The following WDFY3 variants were observed in gnomAD, a reference collection of about 807,000 sequenced individuals.
The protein encoded by WDFY3 is WD repeat and FYVE domain-containing protein 3.
WDFY3 carries 66 observed loss-of-function variants against 409.6 expected under a neutral mutation model. The observed-to-expected ratio is 0.16, with a 90% CI of 0.13 to 0.20. The LOEUF is 0.20. Among genes scored for constraint, WDFY3 ranks in the 10% least tolerant of loss-of-function variants. The pLI is 1.00. For missense variants in WDFY3, 3,031 were observed against 4,298.1 expected, an observed-to-expected ratio of 0.71 and a Z score of 8.24; for synonymous variants, 1,521 against 1,537.1, an observed-to-expected ratio of 0.99 and a Z score of 0.25.
At chr4:84,784,909 CACACACACACAT>C (rs1747277866) in intron 24 of WDFY3, among the ~76,000 whole-genome samples, 1 of 146,374 alleles carries the variant, frequency 6.8e-6, no homozygotes, top group Non-Finnish European at 1.5e-5. Flanking sequence ...CACACACACA[CACACACACACAT>C]ACACACCTTG....
chr4:84,929,634 G>A lies in WDFY3; in HGVS notation c.-132+2636C>T, dbSNP rs1770479438. On this transcript the variant is annotated intron_variant, in intron 2 of 67. Coordinates refer to ENST00000295888, the MANE Select transcript of WDFY3 (RefSeq NM_014991.6). ...CTTAGAAATCTGGACACAGGACCGGGCGTGGTGGCTCACGCCTATAATCCC... is the reference window on the plus strand; with the variant it reads ...CTTAGAAATCTGGACACAGGACCGGACGTGGTGGCTCACGCCTATAATCCC... 2.6e-5 allele frequency among the ~76,000 whole-genome samples: 4 copies of A among 152,284 alleles called. No homozygotes were observed. The South Asian group carries it at 6.2e-4, about 24-fold the overall frequency.
intron 32 of WDFY3, among the ~76,000 whole-genome samples, chr4:84,761,492 G>A (rs1163207708): frequency 1.3e-5 from 2 of 152,144 alleles, no homozygotes; most frequent in Non-Finnish European, 2.9e-5. Context: ...GGGTGCTCCT[G>A]TATTGGGTGC....
At position 84,716,744 on chromosome 4, in the gene WDFY3, A is replaced by T. The variant is rs554081015; in HGVS notation, c.7875+152T>A. On this transcript the variant is annotated intron_variant, in intron 49 of 67. Transcript: ENST00000295888. ...AACCCGGGAGGCGGAGGTTGCAGTG[A>T]GCTGAGATCATGCCACTGCACTCCA... 3.2e-4 allele frequency: 166 copies of T among 515,796 alleles called. 1 individual carries two copies. The highest frequency in any genetic ancestry group is 3.9e-4 in the Non-Finnish European group (150 of 381,980). The allele number at this position is 515,796 out of a possible 1,614,324, so 32.0% of individuals were successfully genotyped here.
intron 48 of WDFY3, 25 bp downstream of exon 48, chr4:84,718,397 T>A (rs767045864): frequency 1.2e-6 from 2 of 1,605,198 alleles, no homozygotes; most frequent in African/African-American, 1.3e-5. Context: ...AGCCATACAT[T>A]ATGTCTCTTC....
At chr4:84,724,321 T>G (rs1735306961) in intron 46 of WDFY3, 105 bp downstream of exon 46, 1 of 1,311,604 alleles carries the variant, frequency 7.6e-7, no homozygotes, top group Non-Finnish European at 1.0e-6. Flanking sequence ...TATGGATATT[T>G]TTAAAGTTGG....
intron 3 of WDFY3, among the ~76,000 whole-genome samples, chr4:84,866,235 G>C (rs963277768): frequency 1.3e-5 from 2 of 152,104 alleles, no homozygotes; most frequent in African/African-American, 4.8e-5. Context: ...CTGAACCATG[G>C]TGGGACAGGA....
intron 2 of WDFY3, among the ~76,000 whole-genome samples, chr4:84,918,815 G>A (rs10024253): frequency 0.022 from 3,047 of 138,406 alleles, 114 homozygotes; most frequent in African/African-American, 0.074. Flanking sequence ...GTGTGTGTGT[G>A]TATATATATA....
chr4:84,847,644 C>T (rs975235722), intron 5 of WDFY3, among the ~76,000 whole-genome samples: 2 of 146,410 alleles, frequency 1.4e-5, no homozygotes, highest in Admixed American at 6.8e-5. Flanking sequence ...CATGGTGGCA[C>T]GTGCCTGTAG....
intron 35 of WDFY3, among the ~76,000 whole-genome samples, chr4:84,752,579 T>G (rs1364189324): frequency 2.0e-5 from 3 of 151,756 alleles, no homozygotes; most frequent in Non-Finnish European, 4.4e-5. Flanking sequence ...GATATATTAT[T>G]GAAGGTCTTT....
At chr4:84,717,791 G>A (rs1298759564) in intron 48 of WDFY3, among the ~76,000 whole-genome samples, 1 of 152,140 alleles carries the variant, frequency 6.6e-6, no homozygotes, top group Non-Finnish European at 1.5e-5. Context: ...CTTCACGCCT[G>A]TAATCCCAAC....
intron 58 of WDFY3, 102 bp downstream of exon 58, chr4:84,695,868 T>C (rs1730059982): frequency 1.8e-6 from 2 of 1,135,256 alleles, no homozygotes; most frequent in African/African-American, 3.1e-5. Flanking sequence ...TGGCTCTTTA[T>C]TAAGTTAATC....
rs1425678503 is a variant in WDFY3 at position 84,718,287 on chromosome 4, G to A, written c.7754+135C>T. 5.0e-6 allele frequency: 4 copies of A among 803,772 alleles called. No homozygotes were observed. In the Admixed American group the frequency reaches 1.2e-4, roughly 25 times the overall value. 49.8% of individuals were successfully genotyped at this position (803,772 alleles called of 1,614,324 possible). A position where few individuals can be genotyped will look rare whatever the true frequency, so the allele number is the denominator to read the frequency against. ...AACTGAATATCATCTTTGTGAATAT[G>A]TAATGATGAATGCACACAAACCGAG... On this transcript the variant is annotated intron_variant, in intron 48 of 67. Transcript: ENST00000295888.
intron 63 of WDFY3, chr4:84,682,752 TG>T: frequency 3.0e-6 from 1 of 328,034 alleles, no homozygotes; most frequent in Non-Finnish European, 5.8e-6. Flanking sequence ...GAAGCCAAGA[TG>T]GGCGGATCAT....
chr4:84,682,611 T>C, intron 63 of WDFY3, 141 bp from the exon 64 acceptor site: 1 of 699,692 alleles, frequency 1.4e-6, no homozygotes, highest in Non-Finnish European at 2.4e-6. Flanking sequence ...TCCCGTATCT[T>C]GGAAGATGTG....
At chr4:84,757,269 C>T (rs1484919090) in intron 32 of WDFY3, 108 bp from the exon 33 acceptor site, 1 of 932,864 alleles carries the variant, frequency 1.1e-6, no homozygotes, top group Admixed American at 2.2e-5. Context: ...CTATCCAGAA[C>T]ATTCATACTA....
In WDFY3 at chr4:84,696,755, C is replaced by T. The variant is rs1730218690; in HGVS notation, c.8665G>A (p.Glu2889Lys). The T allele has an allele frequency of 6.2e-7, 1 of 1,613,760 alleles. No homozygotes were observed. The highest frequency in any genetic ancestry group is 1.3e-5 in the African/African-American group (1 of 74,856). Reference sequence around the variant, plus strand: ...ACCTCACGATGGACTCTGATGAATTCTCGTGGGTCCCCTTTTGCCCAGGGT... The same window carrying T: ...ACCTCACGATGGACTCTGATGAATTTTCGTGGGTCCCCTTTTGCCCAGGGT... ...LPPWAKGDPR[E>K]FIRVHREALE... The change falls in exon 57 of 68, where the codon GAA becomes AAA. Residue 2889 changes from glutamate to lysine, a missense_variant. By Grantham distance (56) the Glu-to-Lys change is moderately conservative. Coordinates refer to ENST00000295888, the MANE Select transcript of WDFY3 (RefSeq NM_014991.6).
At chr4:84,677,860 G>A (rs1161947492) in intron 66 of WDFY3, among the ~76,000 whole-genome samples, 2 of 150,692 alleles carry the variant, frequency 1.3e-5, no homozygotes, top group African/African-American at 4.9e-5. Flanking sequence ...TTATTTGAGG[G>A]GCAGAGGTGG....
chr4:84,841,976 AG>A (rs1757419472), intron 5 of WDFY3, among the ~76,000 whole-genome samples: 1 of 152,202 alleles, frequency 6.6e-6, no homozygotes, highest in African/African-American at 2.4e-5. Context: ...AGTAGCTCAG[AG>A]TAGGAAGAGA....
At chr4:84,673,311 A>G (rs1259478575) in intron 67 of WDFY3, among the ~76,000 whole-genome samples, 1 of 152,188 alleles carries the variant, frequency 6.6e-6, no homozygotes, top group Non-Finnish European at 1.5e-5. Context: ...CTACCTGTGT[A>G]GACTAATTCT....
Sources: gnomAD v4.1 joint callset for allele counts (sites outside exome capture counted in the v4.1 genomes callset) on GRCh38, gnomAD v4.1.1 for gene constraint, MANE v1.5 for transcripts, NCBI Gene and HGNC (gene_info 2026-07-23, HGNC 2026-07-21) for gene names.